The following NRG1 variants were observed in gnomAD, a reference collection of about 807,000 sequenced individuals.
NRG1 encodes the protein neuregulin 1.
A neutral mutation model predicts 63.8 loss-of-function variants in NRG1; 18 were observed. The ratio of observed to expected loss-of-function variants is 0.28; its 90% CI spans 0.19 to 0.42. The LOEUF is 0.42. Ranked by LOEUF, NRG1 falls within the 10% of genes least tolerant of loss-of-function variation. The pLI is 1.00. For synonymous variants in NRG1, 302 were observed against 301.3 expected (o/e 1.00, Z -0.02); for missense variants, 762 against 814.7 (o/e 0.94, Z 0.79).
chr8:32,473,366 T>G (rs1824087252), intron 1 of NRG1, among the ~76,000 whole-genome samples: 1 of 152,214 alleles, frequency 6.6e-6, no homozygotes, highest in Non-Finnish European at 1.5e-5. Context: ...GGCTCTTCAT[T>G]TTATGGTTGA....
At chr8:32,233,561 ATATTTTTTT>A (rs1381983496) in intron 1 of NRG1, among the ~76,000 whole-genome samples, 25 of 59,340 alleles carry the variant, frequency 4.2e-4, no homozygotes, top group African/African-American at 2.0e-3. Flanking sequence ...ATATATATAT[ATATTTTTTT>A]TTTTTTTTCT....
At chr8:32,464,488 C>G (rs1822807113) in intron 1 of NRG1, among the ~76,000 whole-genome samples, 1 of 152,092 alleles carries the variant, frequency 6.6e-6, no homozygotes, top group Admixed American at 6.6e-5. Context: ...TTGTCCAAAT[C>G]CCAGAGTTCA....
intron 1 of NRG1, among the ~76,000 whole-genome samples, chr8:32,094,913 ATTTTT>A (rs35516200): frequency 7.5e-6 from 1 of 133,312 alleles, no homozygotes; most frequent in Non-Finnish European, 1.6e-5. Context: ...TAATTTCAGC[ATTTTT>A]TTTTTTTTTT....
chr8:32,648,625 G>A (rs979417707), intron 5 of NRG1, among the ~76,000 whole-genome samples: 6 of 152,080 alleles, frequency 3.9e-5, no homozygotes, highest in Non-Finnish European at 7.4e-5. Flanking sequence ...ATCTGGTACC[G>A]GGAATGAAAA....
chr8:32,122,616 TTTATTA>T (rs576330252), intron 1 of NRG1, among the ~76,000 whole-genome samples: 11 of 150,566 alleles, frequency 7.3e-5, no homozygotes, highest in Non-Finnish European at 1.0e-4. Flanking sequence ...TTAAGAACTT[TTTATTA>T]TTATTATTAT....
chr8:32,411,132 C>A (rs930346368), intron 1 of NRG1, among the ~76,000 whole-genome samples: 2 of 152,134 alleles, frequency 1.3e-5, no homozygotes, highest in East Asian at 1.9e-4. Context: ...CCTCAGCCCC[C>A]CAAAGTGCTG....
chr8:32,223,100 C>A (rs532007970), intron 1 of NRG1, among the ~76,000 whole-genome samples: 9 of 151,966 alleles, frequency 5.9e-5, no homozygotes, highest in African/African-American at 2.2e-4. Flanking sequence ...AGTTGATTTG[C>A]CAAAAATAAA....
At chr8:32,610,472 T>C (rs1846186988) in intron 3 of NRG1, among the ~76,000 whole-genome samples, 1 of 152,158 alleles carries the variant, frequency 6.6e-6, no homozygotes, top group African/African-American at 2.4e-5. Context: ...ATCATAAAAG[T>C]CTTCTGCAAT....
intron 5 of NRG1, among the ~76,000 whole-genome samples, chr8:32,697,012 T>C (rs555929594): frequency 3.9e-5 from 6 of 152,324 alleles, no homozygotes; most frequent in African/African-American, 1.4e-4. Context: ...GTGTATTTGG[T>C]ATAGGTTAAT....
At chr8:32,684,663 T>A (rs1043670429) in intron 5 of NRG1, among the ~76,000 whole-genome samples, 1 of 152,134 alleles carries the variant, frequency 6.6e-6, no homozygotes, top group African/African-American at 2.4e-5. Context: ...CTCAAATATT[T>A]ATGGGGGAAC....
At chr8:32,597,582 C>T (rs1843588712) in intron 2 of NRG1, among the ~76,000 whole-genome samples, 1 of 151,806 alleles carries the variant, frequency 6.6e-6, no homozygotes, top group African/African-American at 2.4e-5. Flanking sequence ...TACATTATTC[C>T]AATATGTAGC....
At chr8:32,132,557 ATATTTAGCTTGGCTTTTTCTTTCC>A (rs528362566) in intron 1 of NRG1, among the ~76,000 whole-genome samples, 1,540 of 152,098 alleles carry the variant, frequency 0.01, 11 homozygotes, top group Middle Eastern at 0.024. Flanking sequence ...ATACTAATAA[ATATTTAGCTTGGCTTTTTCTTTCC>A]TATTTGCTAA....
Position 32,178,149 on chromosome 8 carries a change from G to A in NRG1, c.38-417679G>A, listed in dbSNP as rs183813159. Among the ~76,000 whole-genome samples, 1,191 of 152,208 alleles carry A rather than the reference G, an allele frequency of 7.8e-3. 6 individuals are homozygous for A. Among genetic ancestry groups the A allele is most frequent in the Non-Finnish European group, 0.012 (841 of 68,022 alleles). ...TTCCGAAAAACTCCATGTCAGCAGG[G>A]TCAAAATAAATTTTGTGGAATGGTT... On this transcript the variant is annotated intron_variant, in intron 1 of 10. Transcript: ENST00000519301.
At chr8:32,546,173 C>T (rs1406292796), upstream of NRG1, among the ~76,000 whole-genome samples, 1 of 152,106 alleles carries the variant, frequency 6.6e-6, no homozygotes, top group African/African-American at 2.4e-5. Context: ...ATCACAAAAT[C>T]GTAGGCTCTT....
rs143818873 is a variant in NRG1, at chr8:31,857,384, G to A, written c.37+217953G>A. Among the ~76,000 whole-genome samples, 766 of 152,330 alleles carry A rather than the reference G, an allele frequency of 5.0e-3. 4 individuals are homozygous for A. The highest frequency in any genetic ancestry group is 0.024 in the Middle Eastern group (7 of 294). The stretch of plus-strand genomic sequence containing the variant: ...GGAGTGACCCGATTTTCCAGGTGCC[G>A]TCTGTCACCCCTTTCTTTGACTAGG... On this transcript the variant is annotated intron_variant, in intron 1 of 10. Coordinates refer to the NRG1 transcript ENST00000519301.
intron 1 of NRG1, among the ~76,000 whole-genome samples, chr8:32,423,784 C>A (rs1816993652): frequency 6.6e-6 from 1 of 152,166 alleles, no homozygotes; most frequent in African/African-American, 2.4e-5. Flanking sequence ...ATGTGGCTTT[C>A]AAATATTTGC....
intron 3 of NRG1, among the ~76,000 whole-genome samples, chr8:32,613,197 A>G (rs960719409): frequency 2.0e-5 from 3 of 152,026 alleles, no homozygotes; most frequent in African/African-American, 4.8e-5. Flanking sequence ...ATTGAAACCA[A>G]GCTTACTCCT....
chr8:32,736,942 C>G (rs879261157), intron 6 of NRG1, among the ~76,000 whole-genome samples: 1 of 150,734 alleles, frequency 6.6e-6, no homozygotes, highest in Non-Finnish European at 1.5e-5. Flanking sequence ...AAAAATACAC[C>G]AAGCATTAAG....
At chr8:32,750,272 A>G (rs772930727) in intron 7 of NRG1, among the ~76,000 whole-genome samples, 24 of 152,240 alleles carry the variant, frequency 1.6e-4, no homozygotes, top group Non-Finnish European at 2.8e-4. Flanking sequence ...AAGATTATCC[A>G]GACAAGTAAT....
Sources: allele counts gnomAD v4.1 joint callset (sites outside exome capture counted in the v4.1 genomes callset), GRCh38; gene constraint gnomAD v4.1.1; transcripts MANE v1.5; gene names NCBI Gene and HGNC (gene_info 2026-07-23, HGNC 2026-07-21).